MGMT: variants seen among roughly 807,000 people sequenced by gnomAD.
The protein encoded by MGMT is methylated-DNA--protein-cysteine methyltransferase.
Under a neutral mutation model 15.9 loss-of-function variants are expected in MGMT, and 14 were observed. The ratio of observed to expected loss-of-function variants is 0.88; its 90% CI spans 0.58 to 1.37. The LOEUF (loss-of-function observed/expected upper bound fraction) is 1.37, where lower values mean the gene tolerates loss of function less well. MGMT is among the 40% of genes most tolerant of loss of function. The pLI, the probability that MGMT is intolerant of heterozygous loss-of-function variation, is 0.00. For missense variants in MGMT, 282 were observed against 268.1 expected, an observed-to-expected ratio of 1.05 and a Z score of -0.36; for synonymous variants, 130 against 118.2, an observed-to-expected ratio of 1.10 and a Z score of -0.65.
chr10:129,759,246 A>C lies in MGMT; in HGVS notation c.319A>C (p.Lys107Gln), dbSNP rs759610626. The change falls in exon 4 of 5, where the codon AAA becomes CAA. Residue 107 changes from lysine to glutamine, a missense_variant. By Grantham distance (53) the Lys-to-Gln change is moderately conservative (BLOSUM62 1). Coordinates refer to ENST00000651593, the MANE Select transcript of MGMT (RefSeq NM_002412.5). ...GTTATGGAAGCTGCTGAAGGTTGTG[A>C]AATTCGGAGAAGTGATTTCTTACCA... ...QVLWKLLKVV[K>Q]FGEVISYQQL... is the part of the protein sequence containing the mutation. 5 of 1,614,142 alleles carry C rather than the reference A, an allele frequency of 3.1e-6. No individual in the cohort carries two copies. The South Asian group carries it at 4.4e-5, about 14-fold the overall frequency.
intron 2 of MGMT, among the ~76,000 whole-genome samples, chr10:129,576,556 A>G (rs535548112): frequency 6.6e-6 from 1 of 152,328 alleles, no homozygotes; most frequent in South Asian, 2.1e-4. Flanking sequence ...AGTGCTATCT[A>G]TGACAAACCC....
At chr10:129,763,016 C>T (rs376799077) in intron 4 of MGMT, among the ~76,000 whole-genome samples, 8 of 152,044 alleles carry the variant, frequency 5.3e-5, no homozygotes, top group South Asian at 2.1e-4. Flanking sequence ...AATATTCAGC[C>T]GGTACCAGAA....
At chr10:129,684,982 G>A (rs1003103922) in intron 2 of MGMT, among the ~76,000 whole-genome samples, 5 of 152,202 alleles carry the variant, frequency 3.3e-5, no homozygotes, top group African/African-American at 9.7e-5. Context: ...ACAGTTCTAT[G>A]ACAGGCCCGA....
At chr10:129,758,999 C>A (rs552220093) in intron 3 of MGMT, among the ~76,000 whole-genome samples, 1 of 152,364 alleles carries the variant, frequency 6.6e-6, no homozygotes, top group Admixed American at 6.5e-5. Flanking sequence ...TTCCAAGGGG[C>A]CAGCCTGCAT....
At chr10:129,710,031 A>C (rs1288794214) in intron 3 of MGMT, among the ~76,000 whole-genome samples, 2 of 152,202 alleles carry the variant, frequency 1.3e-5, no homozygotes, top group Non-Finnish European at 2.9e-5. Flanking sequence ...AGAGCCGAGG[A>C]CAGGCGGGCC....
At chr10:129,611,251 G>A (rs1303359764) in intron 2 of MGMT, among the ~76,000 whole-genome samples, 1 of 152,162 alleles carries the variant, frequency 6.6e-6, no homozygotes, top group Non-Finnish European at 1.5e-5. Context: ...TATCTGGGCT[G>A]GACAGACTTC....
rs75900476 is a variant in MGMT, at chr10:129,559,545, C to T, written c.125+23168C>T. On this transcript the variant is annotated intron_variant, in intron 2 of 4. Coordinates refer to ENST00000651593, the MANE Select transcript of MGMT (RefSeq NM_002412.5). Reference sequence around the variant, plus strand: ...TAGGGGAGATTTCTTTAGGTATTAGCGGCTGATCTTTTTTTTCTTACCATG... The same window carrying T: ...TAGGGGAGATTTCTTTAGGTATTAGTGGCTGATCTTTTTTTTCTTACCATG... Among the ~76,000 whole-genome samples, 359 of 151,960 alleles carry T rather than the reference C, an allele frequency of 2.4e-3. 10 individuals are homozygous for T. The East Asian group carries it at 0.055, about 23-fold the overall frequency.
intron 2 of MGMT, among the ~76,000 whole-genome samples, chr10:129,630,907 GTTGCTTTAT>G (rs1317732057): frequency 6.6e-6 from 1 of 152,188 alleles, no homozygotes; most frequent in Non-Finnish European, 1.5e-5. Context: ...GTTAAAAATA[GTTGCTTTAT>G]TTTGTAAATG....
chr10:129,528,223 A>G lies in MGMT; in HGVS notation c.-12-8018A>G, dbSNP rs1845891469. 2.2e-5 allele frequency among the ~76,000 whole-genome samples: 3 copies of G among 139,424 alleles called. No individual in the cohort carries two copies. In the South Asian group the frequency reaches 6.6e-4, roughly 31 times the overall value. 91.5% of individuals were successfully genotyped at this position (139,424 alleles called of 152,430 possible). On this transcript the variant is annotated intron_variant, in intron 1 of 4. Transcript: ENST00000651593. ...ATCAGCTAAGACTACTCTGGTTTGAAGAAAAAACAGGAATTCCTCAGAACA... is the reference window on the plus strand; with the variant it reads ...ATCAGCTAAGACTACTCTGGTTTGAGGAAAAAACAGGAATTCCTCAGAACA...
intron 2 of MGMT, among the ~76,000 whole-genome samples, chr10:129,580,452 A>C (rs1400360474): frequency 1.3e-5 from 2 of 152,174 alleles, no homozygotes; most frequent in Admixed American, 1.3e-4. Context: ...GACAGGACTT[A>C]AACACGAGGA....
chr10:129,574,806 A>C (rs1846460484), intron 2 of MGMT, among the ~76,000 whole-genome samples: 1 of 152,210 alleles, frequency 6.6e-6, no homozygotes, highest in Non-Finnish European at 1.5e-5. Context: ...TTCCCACTTT[A>C]GAAATTATTA....
chr10:129,586,431 A>G (rs750366936), intron 2 of MGMT, among the ~76,000 whole-genome samples: 2 of 152,230 alleles, frequency 1.3e-5, no homozygotes, highest in Non-Finnish European at 2.9e-5. Flanking sequence ...TGTGATGCAC[A>G]TATATACATA....
intron 3 of MGMT, among the ~76,000 whole-genome samples, chr10:129,744,646 C>G (rs543552078): frequency 3.3e-5 from 5 of 152,340 alleles, no homozygotes; most frequent in African/African-American, 1.2e-4. Flanking sequence ...GGCTTTCCTG[C>G]GTGCCACGGA....
chr10:129,723,402 A>G (rs1252798881), intron 3 of MGMT, among the ~76,000 whole-genome samples: 1 of 152,204 alleles, frequency 6.6e-6, no homozygotes, highest in Non-Finnish European at 1.5e-5. Context: ...ACCTCACACC[A>G]TACACAAAAA....
chr10:129,720,106 C>T lies in MGMT; in HGVS notation c.274+12063C>T, dbSNP rs919498816. Reference sequence around the variant, plus strand: ...TGTGTACGAGTTACAGGAAGTGTGGCTGGTATAGCCCCGCAGCTGTTCAGA... The same window carrying T: ...TGTGTACGAGTTACAGGAAGTGTGGTTGGTATAGCCCCGCAGCTGTTCAGA... On this transcript the variant is annotated intron_variant, in intron 3 of 4. Coordinates refer to ENST00000651593, the MANE Select transcript of MGMT (RefSeq NM_002412.5). Among the ~76,000 whole-genome samples, 34 of 152,196 alleles carry T rather than the reference C, an allele frequency of 2.2e-4. 1 individual carries two copies.
At chr10:129,684,996 G>A (rs984701962) in intron 2 of MGMT, among the ~76,000 whole-genome samples, 1 of 152,224 alleles carries the variant, frequency 6.6e-6, no homozygotes, top group Non-Finnish European at 1.5e-5. Context: ...GGCCCGAGTA[G>A]CTGATGAAAT....
At chr10:129,483,250 C>T (rs1845376941) in intron 1 of MGMT, among the ~76,000 whole-genome samples, 3 of 152,132 alleles carry the variant, frequency 2.0e-5, no homozygotes, top group Admixed American at 2.0e-4. Context: ...GTAATATTCT[C>T]CAATATATAG....
At chr10:129,741,204 C>T (rs930941720) in intron 3 of MGMT, among the ~76,000 whole-genome samples, 1 of 152,180 alleles carries the variant, frequency 6.6e-6, no homozygotes, top group African/African-American at 2.4e-5. Context: ...TAGTTTTGGA[C>T]CCAGGTGAGT....
At chr10:129,610,655 A>G (rs768451819) in intron 2 of MGMT, among the ~76,000 whole-genome samples, 1 of 152,208 alleles carries the variant, frequency 6.6e-6, no homozygotes, top group Non-Finnish European at 1.5e-5. Context: ...ATTGGAACAC[A>G]CTTATAAAGA....
Sources: allele counts gnomAD v4.1 joint callset (sites outside exome capture counted in the v4.1 genomes callset), GRCh38; gene constraint gnomAD v4.1.1; transcripts MANE v1.5; gene names NCBI Gene and HGNC (gene_info 2026-07-23, HGNC 2026-07-21).